TIMD4: variants seen among roughly 807,000 people sequenced by gnomAD.
The protein encoded by TIMD4 is T-cell immunoglobulin and mucin domain-containing protein 4.
TIMD4 carries 31 observed loss-of-function variants against 41.2 expected under a neutral mutation model. The ratio of observed to expected loss-of-function variants is 0.75; its 90% CI spans 0.57 to 1.01. TIMD4 has a LOEUF of 1.01. Ranked by LOEUF, TIMD4 falls within the 50% of genes least tolerant of loss-of-function variation. The probability of loss-of-function intolerance (pLI) is 0.00; values close to 1 mark genes in which losing one functional copy is unlikely to be tolerated. For missense variants in TIMD4, 479 were observed against 472.5 expected (o/e 1.01, Z -0.13); for synonymous variants, 204 against 177.1 (o/e 1.15, Z -1.21).
intron 1 of TIMD4, among the ~76,000 whole-genome samples, chr5:156,955,201 C>A (rs1013540930): frequency 6.6e-6 from 1 of 152,166 alleles, no homozygotes; most frequent in African/African-American, 2.4e-5. Context: ...AGTCTCTAAC[C>A]GTGGCAAGAC....
chr5:156,927,994 T>C (rs909506119), intron 5 of TIMD4, among the ~76,000 whole-genome samples: 2 of 152,140 alleles, frequency 1.3e-5, no homozygotes, highest in Admixed American at 6.5e-5. Flanking sequence ...CAGGGAGCAG[T>C]TGACCCCCTC....
chr5:156,952,574 T>G (rs1359890708), intron 2 of TIMD4, among the ~76,000 whole-genome samples: 1 of 152,192 alleles, frequency 6.6e-6, no homozygotes, highest in Non-Finnish European at 1.5e-5. Flanking sequence ...TCATTCTTCA[T>G]GAGGCTGACT....
In TIMD4 at chr5:156,926,686, CA is replaced by C. The variant is rs535734144; in HGVS notation, c.845-375del. 3.5e-4 allele frequency among the ~76,000 whole-genome samples: 54 copies of C among 152,286 alleles called. No individual in the cohort carries two copies. The South Asian group carries it at 0.011, about 30-fold the overall frequency. ...TACTGAGCACCTATTATAGGCCATG[CA>C]GTGTGATAGCTATACCTTGGACCTC... On this transcript the variant is annotated intron_variant, in intron 5 of 8. Transcript: ENST00000274532.
chr5:156,936,404 G>A (rs1759540629), intron 5 of TIMD4, among the ~76,000 whole-genome samples: 1 of 152,256 alleles, frequency 6.6e-6, no homozygotes, highest in South Asian at 2.1e-4. Flanking sequence ...TACTTCTCAT[G>A]TTCTTAGTTA....
chr5:156,961,019 G>A (rs1255455298), intron 1 of TIMD4, among the ~76,000 whole-genome samples: 1 of 152,244 alleles, frequency 6.6e-6, no homozygotes, highest in Admixed American at 6.5e-5. Flanking sequence ...AATAGTACAA[G>A]TTTGAGAGGT....
chr5:156,924,095 G>A (rs1414741522), intron 6 of TIMD4: 1 of 230,472 alleles, frequency 4.3e-6, no homozygotes, highest in Non-Finnish European at 8.6e-6. Flanking sequence ...AAAAGACCTT[G>A]TGAAAGTCCC....
intron 1 of TIMD4, among the ~76,000 whole-genome samples, chr5:156,962,076 A>T (rs945485286): frequency 6.6e-6 from 1 of 152,062 alleles, no homozygotes; most frequent in African/African-American, 2.4e-5. Context: ...TCTACAAAGG[A>T]TAGGGGAAAA....
chr5:156,951,485 T>G, intron 3 of TIMD4, 27 bp downstream of exon 3: 1 of 1,612,808 alleles, frequency 6.2e-7, no homozygotes, highest in Non-Finnish European at 8.5e-7. Context: ...AGCACTGTTC[T>G]AAGAAACCCA....
Position 156,919,491 on chromosome 5 carries a change from C to T in TIMD4, c.1103G>A (p.Gly368Glu). 6.2e-7 allele frequency: 1 copy of T among 1,614,100 alleles called. No individual in the cohort carries two copies. The highest frequency in any genetic ancestry group is 8.5e-7 in the Non-Finnish European group (1 of 1,179,970). ...SKNVLNDVQH[G>E]REDEDGLFTL ...AAAAAGGCCGTCTTCGTCTTCCCTT[C>T]CATGCTGCACGTCATTGAGGACATT... The change falls in exon 9 of 9, where the codon GGA (glycine) becomes GAA (glutamate). Residue 368 changes from glycine to glutamate, a missense_variant. Gly to Glu is a moderately conservative substitution (Grantham distance 98). Transcript: ENST00000274532.
intron 5 of TIMD4, among the ~76,000 whole-genome samples, chr5:156,940,506 G>A (rs1453567841): frequency 6.6e-6 from 1 of 151,962 alleles, no homozygotes; most frequent in East Asian, 1.9e-4. Context: ...CGTCTAGGAA[G>A]TGAGGAGCAT....
chr5:156,930,477 T>C (rs1197804803), intron 5 of TIMD4, among the ~76,000 whole-genome samples: 2 of 152,152 alleles, frequency 1.3e-5, no homozygotes, highest in Admixed American at 6.5e-5. Context: ...ACCATATAAA[T>C]AGCATGTCCT....
At chr5:156,950,805 G>A (rs1421214427) in intron 3 of TIMD4, among the ~76,000 whole-genome samples, 3 of 152,152 alleles carry the variant, frequency 2.0e-5, no homozygotes, top group Non-Finnish European at 4.4e-5. Flanking sequence ...CTCAGGCAGC[G>A]ACTTAACCCC....
chr5:156,960,777 A>G lies in TIMD4; in HGVS notation c.58+2364T>C, dbSNP rs542147231. On this transcript the variant is annotated intron_variant, in intron 1 of 8. Transcript: ENST00000274532. ...AGGTGCTGGAATATAACAAGCCACA[A>G]AGCAGACCTGGGCTGCCCTCATGGG... Among the ~76,000 whole-genome samples the G allele has an allele frequency of 1.8e-3, 278 of 152,350 alleles. 1 individual carries two copies. Among genetic ancestry groups the G allele is most frequent in the African/African-American group, 6.2e-3 (259 of 41,590 alleles).
intron 2 of TIMD4, among the ~76,000 whole-genome samples, chr5:156,952,959 T>C (rs188564347): frequency 6.6e-6 from 1 of 152,184 alleles, no homozygotes; most frequent in East Asian, 1.9e-4. Flanking sequence ...GATTGGTTCA[T>C]ACCAACACCA....
At chr5:156,961,808 CAAAAAAAAAAAAAA>C (rs71578911) in intron 1 of TIMD4, among the ~76,000 whole-genome samples, 70 of 27,994 alleles carry the variant, frequency 2.5e-3, no homozygotes, top group Admixed American at 4.4e-3. Flanking sequence ...GACTCCGTCT[CAAAAAAAAAAAAAA>C]AAAAAAAAAA....
intron 2 of TIMD4, among the ~76,000 whole-genome samples, chr5:156,953,018 G>A (rs1010619493): frequency 5.3e-5 from 8 of 152,158 alleles, no homozygotes; most frequent in African/African-American, 1.9e-4. Flanking sequence ...CCGTTTATTC[G>A]ACAGATCTCA....
At chr5:156,921,350 G>T (rs1759234129) in intron 7 of TIMD4, among the ~76,000 whole-genome samples, 1 of 152,072 alleles carries the variant, frequency 6.6e-6, no homozygotes, top group African/African-American at 2.4e-5. Context: ...GCCAGGCATG[G>T]TGGCTCATGC....
chr5:156,953,282 A>G (rs1320239637), intron 2 of TIMD4, among the ~76,000 whole-genome samples: 1 of 152,188 alleles, frequency 6.6e-6, no homozygotes, highest in African/African-American at 2.4e-5. Context: ...AGACATACTA[A>G]TATGTATGTA....
rs188217458 is a variant in TIMD4, at chr5:156,922,112, C to T, written c.999G>A (p.Ala333=). The change falls in exon 7 of 9, where the codon GCG becomes GCA. Residue 333 remains alanine, a synonymous_variant. Coordinates refer to ENST00000274532, the MANE Select transcript of TIMD4 (RefSeq NM_138379.3). ...CTCCCTCCTTACCTCTCAGGAGAAA[C>T]GCCACAAACAATGCGAAGAGCACAA... The part of the protein sequence containing the change: ...LGFVLFALFV[A]FLLRGKLMET... 3.8e-5 allele frequency: 62 copies of T among 1,613,550 alleles called. No homozygotes were observed. The highest frequency in any genetic ancestry group is 1.0e-4 in the Admixed American group (6 of 59,934).
Sources: allele counts gnomAD v4.1 joint callset (sites outside exome capture counted in the v4.1 genomes callset), GRCh38; gene constraint gnomAD v4.1.1; transcripts MANE v1.5; gene names NCBI Gene and HGNC (gene_info 2026-07-23, HGNC 2026-07-21).